PLCH1: variants seen among roughly 807,000 people sequenced by gnomAD.
PLCH1 encodes 1-phosphatidylinositol 4,5-bisphosphate phosphodiesterase eta-1.
A neutral mutation model predicts 126.7 loss-of-function variants in PLCH1; 60 were observed. The observed-to-expected ratio is 0.47, with a 90% CI of 0.38 to 0.59. The LOEUF (loss-of-function observed/expected upper bound fraction) is 0.59. Ranked by LOEUF, PLCH1 falls within the 20% of genes least tolerant of loss-of-function variation. The pLI is 0.00. For missense variants in PLCH1, 1,723 were observed against 2,040.0 expected (o/e 0.84, Z 2.99); for synonymous variants, 719 against 734.9 (o/e 0.98, Z 0.35).
chr3:155,544,695 C>A (rs993497082), intron 10 of PLCH1, among the ~76,000 whole-genome samples: 13 of 152,010 alleles, frequency 8.6e-5, no homozygotes, highest in African/African-American at 2.2e-4. Flanking sequence ...GTCTCTCAGA[C>A]CACAGTGCAA....
intron 10 of PLCH1, among the ~76,000 whole-genome samples, chr3:155,537,221 A>AAAAAAAAAAAAAAAAAAAAC (rs1723538703): frequency 8.8e-5 from 1 of 11,360 alleles, no homozygotes; most frequent in South Asian, 2.3e-3. Context: ...AAAAAAAAAA[A>AAAAAAAAAAAAAAAAAAAAC]AAAAAAAAAA....
chr3:155,504,515 A>G (rs1488692800), intron 13 of PLCH1, 40 bp downstream of exon 13: 3 of 1,098,342 alleles, frequency 2.7e-6, no homozygotes, highest in Non-Finnish European at 4.2e-6. Context: ...GAATCTTTAA[A>G]TTAACTGAAG....
intron 2 of PLCH1, among the ~76,000 whole-genome samples, chr3:155,638,427 G>C (rs953367693): frequency 1.3e-5 from 2 of 152,194 alleles, no homozygotes; most frequent in African/African-American, 4.8e-5. Flanking sequence ...TGCTATAAGA[G>C]AGAATCGAAA....
At chr3:155,613,813 C>CAA (rs75996453) in intron 2 of PLCH1, among the ~76,000 whole-genome samples, 73,624 of 151,670 alleles carry the variant, frequency 0.49, 20,210 homozygotes, top group African/African-American at 0.74. Flanking sequence ...AGCAATCAAA[C>CAA]GAGAAAAAAA....
At chr3:155,622,298 T>G (rs1005973781) in intron 2 of PLCH1, among the ~76,000 whole-genome samples, 1 of 152,182 alleles carries the variant, frequency 6.6e-6, no homozygotes, top group South Asian at 2.1e-4. Context: ...TACCAGCCAC[T>G]GCAAAAACAT....
At chr3:155,606,528 G>A (rs1379131722) in intron 2 of PLCH1, among the ~76,000 whole-genome samples, 2 of 152,096 alleles carry the variant, frequency 1.3e-5, no homozygotes, top group Non-Finnish European at 2.9e-5. Context: ...GTTTATGCTT[G>A]GTATATAATT....
At chr3:155,505,643 T>G (rs1311496047) in intron 12 of PLCH1, among the ~76,000 whole-genome samples, 2 of 152,098 alleles carry the variant, frequency 1.3e-5, no homozygotes. Context: ...AAAGAGCAGT[T>G]CAAAAAATGC....
chr3:155,647,774 A>G (rs145050442), intron 2 of PLCH1, among the ~76,000 whole-genome samples: 1 of 152,196 alleles, frequency 6.6e-6, no homozygotes, highest in Admixed American at 6.5e-5. Flanking sequence ...TGGTAAAACA[A>G]AGTAAATATC....
chr3:155,676,710 T>G (rs1464093354), intron 2 of PLCH1, among the ~76,000 whole-genome samples: 1 of 152,158 alleles, frequency 6.6e-6, no homozygotes, highest in Non-Finnish European at 1.5e-5. Flanking sequence ...GTTTTCCTTG[T>G]TTTTTTGTCC....
chr3:155,743,160 T>A (rs1749738826), intron 1 of PLCH1: 2 of 406,702 alleles, frequency 4.9e-6, no homozygotes, highest in African/African-American at 4.2e-5. Flanking sequence ...TTTTGCCAAA[T>A]GCTAGGCTGT....
At chr3:155,637,882 A>G (rs938373939) in intron 2 of PLCH1, among the ~76,000 whole-genome samples, 1 of 152,220 alleles carries the variant, frequency 6.6e-6, no homozygotes, top group Non-Finnish European at 1.5e-5. Flanking sequence ...TTGCGCTTTT[A>G]TGGAATTAAC....
At chr3:155,593,879 A>C (rs191795954) in intron 4 of PLCH1, 62 bp downstream of exon 4, 1 of 1,524,370 alleles carries the variant, frequency 6.6e-7, no homozygotes, top group African/African-American at 1.4e-5. Flanking sequence ...TTACTTCACA[A>C]ATGCACACAC....
At chr3:155,469,212 G>A (rs1451437530) in intron 21 of PLCH1, among the ~76,000 whole-genome samples, 1 of 152,108 alleles carries the variant, frequency 6.6e-6, no homozygotes, top group Non-Finnish European at 1.5e-5. Flanking sequence ...CAGGTCAGTG[G>A]GTGTGCGCAC....
intron 6 of PLCH1, among the ~76,000 whole-genome samples, chr3:155,579,197 T>C (rs144001793): frequency 6.6e-6 from 1 of 152,216 alleles, no homozygotes; most frequent in Non-Finnish European, 1.5e-5. Context: ...CGGTCTTTTG[T>C]TATAAGTGCC....
intron 15 of PLCH1, among the ~76,000 whole-genome samples, chr3:155,495,420 A>C (rs1716898485): frequency 1.3e-5 from 2 of 152,024 alleles, no homozygotes; most frequent in Admixed American, 1.3e-4. Flanking sequence ...AAGAACCCAT[A>C]CCCTATCCCC....
chr3:155,488,694 T>G lies in PLCH1; in HGVS notation c.2505A>C (p.Gly835=). 6.2e-7 allele frequency: 1 copy of G among 1,613,896 alleles called. No individual in the cohort carries two copies. The highest frequency in any genetic ancestry group is 8.5e-7 in the Non-Finnish European group (1 of 1,179,932). ...AGCTGCTGAAGGTCACAGTTCTTTG[T>G]CCAACAAAGTCTCGTCCAATGGGAT... ...DHDPIGRDFV[G]QRTVTFSSLV... Residue 835 remains glycine (G), a synonymous_variant, in exon 20 of 23, where the codon GGA becomes GGC. Transcript: ENST00000460012.
At chr3:155,690,861 TGCAGATTCTG>T (rs775015085) in intron 2 of PLCH1, among the ~76,000 whole-genome samples, 8 of 152,206 alleles carry the variant, frequency 5.3e-5, no homozygotes, top group Non-Finnish European at 7.3e-5. Context: ...CTTGTTAAAA[TGCAGATTCTG>T]GCTCAGAAGT....
At chr3:155,737,440 T>C (rs979717974) in intron 1 of PLCH1, among the ~76,000 whole-genome samples, 1 of 151,440 alleles carries the variant, frequency 6.6e-6, no homozygotes, top group East Asian at 2.0e-4. Flanking sequence ...CAAACAATCC[T>C]CCCACCTCGG....
chr3:155,699,471 G>A lies in PLCH1; in HGVS notation c.79+4675C>T, dbSNP rs73876920. Among the ~76,000 whole-genome samples, 11 of 152,254 alleles carry A rather than the reference G, an allele frequency of 7.2e-5. No homozygotes were observed. In the East Asian group the frequency reaches 2.1e-3, roughly 29 times the overall value. The stretch of plus-strand genomic sequence containing the variant: ...ACAGGTATTTTCTGGACCTAGAAAA[G>A]GAGACTTATAAAGTTATGGCTGGAA... On this transcript the variant is annotated intron_variant, in intron 2 of 22. Coordinates refer to ENST00000460012, the MANE Select transcript of PLCH1 (RefSeq NM_014996.4).
Sources: allele counts gnomAD v4.1 joint callset (sites outside exome capture counted in the v4.1 genomes callset), GRCh38; gene constraint gnomAD v4.1.1; transcripts MANE v1.5; gene names NCBI Gene and HGNC (gene_info 2026-07-23, HGNC 2026-07-21).